The following ALDH1L1 variants were observed in gnomAD, a reference collection of about 807,000 sequenced individuals.
ALDH1L1 encodes aldehyde dehydrogenase 1 family member L1, also known as cytosolic 10-formyltetrahydrofolate dehydrogenase.
In ALDH1L1, 68 loss-of-function variants were observed where a neutral mutation model predicts 101.1. The ratio of observed to expected loss-of-function variants is 0.67; its 90% confidence interval spans 0.55 to 0.82. The LOEUF (loss-of-function observed/expected upper bound fraction) is 0.82. Ranked by LOEUF, ALDH1L1 falls within the 40% of genes least tolerant of loss-of-function variation. The probability of loss-of-function intolerance (pLI) is 0.00; values close to 1 mark genes in which losing one functional copy is unlikely to be tolerated. For synonymous variants in ALDH1L1, 486 were observed against 470.8 expected (o/e 1.03, Z -0.42); for missense variants, 1,087 against 1,172.7 (o/e 0.93, Z 1.07).
Position 126,158,573 on chromosome 3 carries a change from G to A in ALDH1L1, c.194C>T (p.Ala65Val). 2 of 1,614,226 alleles carry A rather than the reference G, an allele frequency of 1.2e-6. No individual in the cohort carries two copies. Among genetic ancestry groups the A allele is most frequent in the East Asian group, 2.2e-5 (1 of 44,880 alleles). ...KYSRWRAKGQ[A>V]LPDVVAKYQA... ...GTATTTTGCCACCACATCAGGCAAA[G>A]CCTGTCCTTTTGCACGCCACCGGGA... The change falls in exon 3 of 23, where the codon GCT becomes GTT. Residue 65 changes from alanine to valine, a missense_variant. Physicochemically the swap from Ala to Val is moderately conservative, Grantham distance 64 (BLOSUM62 0). Transcript: ENST00000393434.
Position 126,114,556 on chromosome 3 carries a change from C to G in ALDH1L1, c.2082+1G>C, listed in dbSNP as rs142903055. The G allele has an allele frequency of 4.0e-6, 6 of 1,495,208 alleles. No individual in the cohort carries two copies. Among genetic ancestry groups the G allele is most frequent in the Non-Finnish European group, 5.3e-6 (6 of 1,122,266 alleles). The allele number at this position is 1,495,208 out of a possible 1,614,324, so 92.6% of individuals were successfully genotyped here. ...CTGCCCCCTCCAGGCCCGGCCCTCA[C>G]CATCTGCACAGCCTTGTTGAGGTCA... On this transcript the variant is annotated splice_donor_variant, in intron 18 of 22. Transcript: ENST00000393434. LOFTEE classifies it high-confidence loss of function.
chr3:126,193,399 G>T (rs1294357307), intron 1 of ALDH1L1, among the ~76,000 whole-genome samples: 2 of 152,172 alleles, frequency 1.3e-5, no homozygotes, highest in African/African-American at 4.8e-5. Flanking sequence ...TTGGAGTCTA[G>T]TGCATGAGCT....
intron 7 of ALDH1L1, chr3:126,153,151 G>C (rs2080837518): frequency 2.2e-6 from 1 of 455,758 alleles, no homozygotes; most frequent in Admixed American, 3.4e-5. Context: ...GCTTCTCTCT[G>C]ATTCTAGGTT....
rs1305983945 is a variant in ALDH1L1, at chr3:126,153,685, G to A, written c.721-104C>T. ...GGCTGGGAGAGGGAGAGGGGCCAGGGGTAGCTGAGACCTGGGAGCCGGCTC... is the reference window on the plus strand; with the variant it reads ...GGCTGGGAGAGGGAGAGGGGCCAGGAGTAGCTGAGACCTGGGAGCCGGCTC... On this transcript the variant is annotated intron_variant, in intron 6 of 22. Transcript: ENST00000393434. The A allele has an allele frequency of 7.0e-6, 10 of 1,420,374 alleles. No individual in the cohort carries two copies. In the Admixed American group the frequency reaches 2.2e-4, roughly 31 times the overall value. 88.0% of individuals were successfully genotyped at this position (1,420,374 alleles called of 1,614,324 possible).
At chr3:126,196,347 T>A (rs1324647091) in intron 1 of ALDH1L1, among the ~76,000 whole-genome samples, 1 of 151,370 alleles carries the variant, frequency 6.6e-6, no homozygotes, top group Non-Finnish European at 1.5e-5. Context: ...GATCTATCCA[T>A]TTCCAATGCC....
At chr3:126,136,581 T>A (rs1576445191) in intron 11 of ALDH1L1, among the ~76,000 whole-genome samples, 183 bp downstream of exon 11, 1 of 151,950 alleles carries the variant, frequency 6.6e-6, no homozygotes. Context: ...ACCCTGCACC[T>A]CCTCTCCACT....
intron 1 of ALDH1L1, among the ~76,000 whole-genome samples, chr3:126,171,652 A>AT (rs761109604): frequency 6.6e-6 from 1 of 152,112 alleles, no homozygotes; most frequent in Non-Finnish European, 1.5e-5. Flanking sequence ...GAAAGCAGTC[A>AT]TTTTTTTCTC....
chr3:126,183,224 A>G (rs2081490936), upstream of ALDH1L1, among the ~76,000 whole-genome samples: 1 of 152,224 alleles, frequency 6.6e-6, no homozygotes, highest in Non-Finnish European at 1.5e-5. Context: ...CAGAAGCCCA[A>G]GAGAGAGAAG....
At chr3:126,140,624 G>T (rs2080548075) in intron 9 of ALDH1L1, among the ~76,000 whole-genome samples, 1 of 151,976 alleles carries the variant, frequency 6.6e-6, no homozygotes, top group Non-Finnish European at 1.5e-5. Flanking sequence ...GTATAAAAAT[G>T]TACACTGTGA....
At chr3:126,184,567 C>T (rs925753732), upstream of ALDH1L1, among the ~76,000 whole-genome samples, 10 of 152,212 alleles carry the variant, frequency 6.6e-5, no homozygotes, top group South Asian at 2.1e-4. Context: ...CCGGGCTTTC[C>T]GCAGGGCCCT....
At chr3:126,170,889 T>C (rs1312308867) in intron 1 of ALDH1L1, among the ~76,000 whole-genome samples, 1 of 152,142 alleles carries the variant, frequency 6.6e-6, no homozygotes, top group Non-Finnish European at 1.5e-5. Context: ...GGAAAGTATC[T>C]TGGGTAACTG....
intron 11 of ALDH1L1, among the ~76,000 whole-genome samples, chr3:126,136,340 T>C (rs1232950901): frequency 1.3e-5 from 2 of 152,204 alleles, no homozygotes; most frequent in Non-Finnish European, 2.9e-5. Context: ...TGGCTCATGA[T>C]GCCACAAGGT....
At chr3:126,110,262 T>C in intron 19 of ALDH1L1, 153 bp from the exon 20 acceptor site, 1 of 1,005,946 alleles carries the variant, frequency 9.9e-7, no homozygotes, top group Non-Finnish European at 1.4e-6. Context: ...TAAATCCACC[T>C]TCCAGGCTGA....
At chr3:126,164,021 C>T (rs2081113433) in intron 1 of ALDH1L1, among the ~76,000 whole-genome samples, 1 of 151,782 alleles carries the variant, frequency 6.6e-6, no homozygotes, top group African/African-American at 2.4e-5. Flanking sequence ...GTCCCAGCTA[C>T]TTGGGAGGCT....
chr3:126,180,317 G>T, intron 1 of ALDH1L1, 159 bp downstream of exon 1: 1 of 396,308 alleles, frequency 2.5e-6, no homozygotes, highest in African/African-American at 2.2e-5. Flanking sequence ...CGTACCCCGA[G>T]CCCGGCGTCC....
chr3:126,132,692 T>C (rs2080338842), intron 12 of ALDH1L1, among the ~76,000 whole-genome samples: 1 of 152,238 alleles, frequency 6.6e-6, no homozygotes, highest in Non-Finnish European at 1.5e-5. Context: ...ATGTTCTGAC[T>C]GATCAGAGCT....
chr3:126,144,145 A>G (rs1292161276), intron 9 of ALDH1L1, among the ~76,000 whole-genome samples: 1 of 152,208 alleles, frequency 6.6e-6, no homozygotes, highest in Admixed American at 6.5e-5. Flanking sequence ...AATAAGAATA[A>G]ATTTAACCAA....
chr3:126,121,658 A>T (rs1260345938), intron 16 of ALDH1L1, among the ~76,000 whole-genome samples: 2 of 152,228 alleles, frequency 1.3e-5, no homozygotes, highest in African/African-American at 4.8e-5. Flanking sequence ...AATTCTTCTA[A>T]GGGCATACGA....
intron 1 of ALDH1L1, among the ~76,000 whole-genome samples, chr3:126,188,410 A>G (rs552472644): frequency 6.6e-6 from 1 of 152,326 alleles, no homozygotes; most frequent in South Asian, 2.1e-4. Flanking sequence ...TCCTGGAACC[A>G]ATGCCTTGCA....
Sources: gnomAD v4.1 joint callset for allele counts (sites outside exome capture counted in the v4.1 genomes callset) on GRCh38, gnomAD v4.1.1 for gene constraint, MANE v1.5 for transcripts, NCBI Gene and HGNC (gene_info 2026-07-23, HGNC 2026-07-21) for gene names.